Variants in CACNA1I observed in about 807,000 individuals in gnomAD.
The protein encoded by CACNA1I is voltage-dependent T-type calcium channel subunit alpha-1I.
Under a neutral mutation model 201.6 loss-of-function variants are expected in CACNA1I, and 74 were observed. The observed-to-expected ratio is 0.37, with a 90% CI of 0.30 to 0.45. CACNA1I has a LOEUF of 0.45. Among genes scored for constraint, CACNA1I ranks in the 20% least tolerant of loss-of-function variants. The pLI is 1.00. For synonymous variants in CACNA1I, 1,431 were observed against 1,345.2 expected (o/e 1.06, Z -1.40); for missense variants, 2,346 against 3,138.1 (o/e 0.75, Z 6.03).
At chr22:39,581,526 AC>A (rs1227371941) in intron 1 of CACNA1I, among the ~76,000 whole-genome samples, 1 of 152,064 alleles carries the variant, frequency 6.6e-6, no homozygotes, top group Non-Finnish European at 1.5e-5. Context: ...GTCCTGGGCC[AC>A]CCAGCCTGGT....
intron 4 of CACNA1I, among the ~76,000 whole-genome samples, chr22:39,624,801 G>C (rs1933852547): frequency 6.6e-6 from 1 of 152,144 alleles, no homozygotes; most frequent in Non-Finnish European, 1.5e-5. Context: ...TTCCTAGAGA[G>C]ATTTCATAGT....
chr22:39,682,143 G>A (rs985867956), intron 34 of CACNA1I, among the ~76,000 whole-genome samples: 1 of 152,188 alleles, frequency 6.6e-6, no homozygotes, highest in Non-Finnish European at 1.5e-5. Context: ...CTTGGATGCA[G>A]AAACAGGCTC....
At chr22:39,656,764 A>T (rs1934837262) in intron 10 of CACNA1I, 1 of 518,922 alleles carries the variant, frequency 1.9e-6, no homozygotes, top group African/African-American at 1.9e-5. Context: ...CATCCTTGCT[A>T]GGTGGCTCTG....
At position 39,618,364 on chromosome 22, in the gene CACNA1I, CGT is replaced by C. The variant is rs1419246654; in HGVS notation, c.483-940_483-939del. 1.3e-4 allele frequency among the ~76,000 whole-genome samples: 19 copies of C among 141,218 alleles called. No homozygotes were observed. The South Asian group carries it at 3.3e-3, about 25-fold the overall frequency. 92.6% of individuals were successfully genotyped at this position (141,218 alleles called of 152,430 possible). The stretch of plus-strand genomic sequence containing the variant: ...GTGTTTGTGGGTGTGTGGTTGTGTG[CGT>C]GTGTGACTGTGTGCATGGGTGTGAC... On this transcript the variant is annotated intron_variant, in intron 3 of 36. Coordinates refer to ENST00000402142, the MANE Select transcript of CACNA1I (RefSeq NM_021096.4).
At position 39,659,118 on chromosome 22, in the gene CACNA1I, T is replaced by C; in HGVS notation, c.2330+2T>C. 6.2e-7 allele frequency: 1 copy of C among 1,612,264 alleles called. No homozygotes were observed. Among genetic ancestry groups the C allele is most frequent in the Non-Finnish European group, 8.5e-7 (1 of 1,179,584 alleles). On this transcript the variant is annotated splice_donor_variant, in intron 12 of 36. Transcript: ENST00000402142. LOFTEE classifies it high-confidence loss of function. The surrounding 1 kb of genome is among the most constrained non-coding windows in gnomAD (Gnocchi z 4.3). Reference sequence around the variant, plus strand: ...CATGCTCTTCATCTTCATCTTCAGGTGAGCCTGCCCTGCTGGGGGCCATAC... The same window carrying C: ...CATGCTCTTCATCTTCATCTTCAGGCGAGCCTGCCCTGCTGGGGGCCATAC...
At chr22:39,622,606 G>A (rs1046867128) in intron 4 of CACNA1I, among the ~76,000 whole-genome samples, 1 of 148,652 alleles carries the variant, frequency 6.7e-6, no homozygotes, top group Non-Finnish European at 1.5e-5. Context: ...TGTGGGGGGG[G>A]CGGTGGGGGG....
chr22:39,653,204 T>G (rs948911444), intron 10 of CACNA1I, among the ~76,000 whole-genome samples: 1 of 152,032 alleles, frequency 6.6e-6, no homozygotes, highest in African/African-American at 2.4e-5. Flanking sequence ...CACTGATGAG[T>G]CACTGCTTCA....
intron 3 of CACNA1I, among the ~76,000 whole-genome samples, chr22:39,611,000 C>T (rs1301086841): frequency 6.6e-6 from 1 of 152,118 alleles, no homozygotes; most frequent in African/African-American, 2.4e-5. Flanking sequence ...AGGCTCACCC[C>T]TGGCAGGATG....
chr22:39,652,545 G>A (rs537467772), intron 10 of CACNA1I, among the ~76,000 whole-genome samples: 7 of 152,318 alleles, frequency 4.6e-5, no homozygotes, highest in African/African-American at 1.7e-4. Flanking sequence ...TTATTACCTC[G>A]CCCCTCTTGT....
rs762138745 is a variant in CACNA1I at position 39,666,635 on chromosome 22, C to G, written c.4104+629C>G. Among the ~76,000 whole-genome samples the G allele has an allele frequency of 2.6e-4, 40 of 152,172 alleles. No homozygotes were observed. The highest frequency in any genetic ancestry group is 4.6e-4 in the Non-Finnish European group (31 of 68,020). ...CCTCCCCTTCCCTGCTCTCATTTCT[C>G]GAGGGCCTGCCCAGGAGGCCAGGTA... On this transcript the variant is annotated intron_variant, in intron 23 of 36. Transcript: ENST00000402142. This position sits in a 1 kb window ranked among gnomAD's most constrained non-coding sequence, Gnocchi z 4.1.
At chr22:39,683,371 C>T (rs1935758676) in intron 35 of CACNA1I, among the ~76,000 whole-genome samples, 1 of 152,160 alleles carries the variant, frequency 6.6e-6, no homozygotes, top group Non-Finnish European at 1.5e-5. Flanking sequence ...GGACGCCTCC[C>T]AGGAGCCAGG....
At position 39,686,046 on chromosome 22, in the gene CACNA1I, C is replaced by T; in HGVS notation, c.6313C>T (p.Pro2105Ser). ...PGCTHHDSMD[P>S]SDEEGRGGAG... is the part of the protein sequence containing the mutation. Reference sequence around the variant, plus strand: ...CTGCACCCACCACGACTCCATGGACCCCTCGGACGAGGAGGGCCGCGGTGG... The same window carrying T: ...CTGCACCCACCACGACTCCATGGACTCCTCGGACGAGGAGGGCCGCGGTGG... Residue 2105 changes from proline to serine, a missense_variant, in exon 37 of 37, where the codon CCC becomes TCC. By Grantham distance (74) the Pro-to-Ser change is moderately conservative. Transcript: ENST00000402142. 1 of 1,236,022 alleles carries T rather than the reference C, an allele frequency of 8.1e-7. No individual in the cohort carries two copies. Among genetic ancestry groups the T allele is most frequent in the Non-Finnish European group, 1.0e-6 (1 of 993,660 alleles). 76.6% of individuals were successfully genotyped at this position (1,236,022 alleles called of 1,614,324 possible). A position where few individuals can be genotyped will look rare whatever the true frequency, so the allele number is the denominator to read the frequency against.
Position 39,591,533 on chromosome 22 carries a change from G to A in CACNA1I, c.237-6618G>A, listed in dbSNP as rs145791495. Among the ~76,000 whole-genome samples, 5 of 152,094 alleles carry A rather than the reference G, an allele frequency of 3.3e-5. No homozygotes were observed. In the East Asian group the frequency reaches 5.8e-4, roughly 18 times the overall value. On this transcript the variant is annotated intron_variant, in intron 1 of 36. Coordinates refer to ENST00000402142, the MANE Select transcript of CACNA1I (RefSeq NM_021096.4). ...TGCAGGACAGATATCTATCACAGGG[G>A]CTGTACTAGCATCTCTTCTTTTCTT... is the stretch of plus-strand genomic sequence containing the variant.
At chr22:39,580,019 G>C (rs1273186985) in intron 1 of CACNA1I, among the ~76,000 whole-genome samples, 1 of 152,150 alleles carries the variant, frequency 6.6e-6, no homozygotes, top group African/African-American at 2.4e-5. Context: ...TCCAGGGGAG[G>C]ACACTGAGCC....
intron 3 of CACNA1I, among the ~76,000 whole-genome samples, chr22:39,602,361 C>T (rs1203949950): frequency 6.6e-6 from 1 of 151,744 alleles, no homozygotes; most frequent in Non-Finnish European, 1.5e-5. Context: ...AGGTGTGAGC[C>T]ACCGCACCTG....
intron 10 of CACNA1I, among the ~76,000 whole-genome samples, chr22:39,654,123 C>T (rs1601499900): frequency 1.3e-5 from 2 of 152,350 alleles, no homozygotes; most frequent in African/African-American, 4.8e-5. Context: ...CTAATCACCA[C>T]CAGGCAGATG....
At chr22:39,662,468 G>A in intron 17 of CACNA1I, 33 bp downstream of exon 17, 1 of 1,375,050 alleles carries the variant, frequency 7.3e-7, no homozygotes, top group Non-Finnish European at 9.5e-7. Flanking sequence ...GGGACCTGGT[G>A]CGGTGGGATA....
intron 34 of CACNA1I, among the ~76,000 whole-genome samples, chr22:39,681,707 G>A (rs1424634438): frequency 1.3e-5 from 2 of 151,908 alleles, no homozygotes; most frequent in Admixed American, 1.3e-4. Flanking sequence ...TCAAGGTCAA[G>A]GTGGTCCTGC....
chr22:39,615,808 T>C (rs1167827550), intron 3 of CACNA1I, among the ~76,000 whole-genome samples: 1 of 151,776 alleles, frequency 6.6e-6, no homozygotes. Context: ...GTTCATGAAG[T>C]GGAGAAGTGA....
Sources: gnomAD v4.1 joint callset for allele counts (sites outside exome capture counted in the v4.1 genomes callset) on GRCh38, gnomAD v4.1.1 for gene constraint, Gnocchi (gnomAD v3.1) non-coding constraint, MANE v1.5 for transcripts, NCBI Gene and HGNC (gene_info 2026-07-23, HGNC 2026-07-21) for gene names.